Variants in REV3L observed in about 807,000 individuals in gnomAD.
REV3L encodes DNA polymerase zeta catalytic subunit.
REV3L carries 69 observed loss-of-function variants against 299.4 expected under a neutral mutation model. The observed-to-expected ratio is 0.23, with a 90% CI of 0.19 to 0.28. The LOEUF (loss-of-function observed/expected upper bound fraction) is 0.28, where lower values mean the gene tolerates loss of function less well. Ranked by LOEUF, REV3L falls within the 10% of genes least tolerant of loss-of-function variation. The pLI, the probability that REV3L is intolerant of heterozygous loss-of-function variation, is 1.00. For synonymous variants in REV3L, 1,238 were observed against 1,271.4 expected (o/e 0.97, Z 0.56); for missense variants, 3,128 against 3,693.8 (o/e 0.85, Z 3.97).
chr6:111,382,232 G>A (rs1298035081), intron 9 of REV3L, among the ~76,000 whole-genome samples: 2 of 152,020 alleles, frequency 1.3e-5, no homozygotes, highest in South Asian at 2.1e-4. Context: ...ACAAGAAAGC[G>A]CCTTCATTAG....
chr6:111,326,411 CT>C (rs1369906878), intron 25 of REV3L, among the ~76,000 whole-genome samples: 8 of 152,020 alleles, frequency 5.3e-5, no homozygotes, highest in African/African-American at 1.9e-4. Flanking sequence ...AATGAGATAT[CT>C]TCTCACCCCA....
At chr6:111,307,247 CTTCATTTCACTT>C in intron 31 of REV3L, 102 bp downstream of exon 31, 1 of 832,898 alleles carries the variant, frequency 1.2e-6, no homozygotes, top group East Asian at 2.5e-5. Flanking sequence ...CATTTAGACT[CTTCATTTCACTT>C]TTCACACCAG....
chr6:111,361,035 A>C (rs1323043058), intron 16 of REV3L, among the ~76,000 whole-genome samples: 1 of 152,146 alleles, frequency 6.6e-6, no homozygotes, highest in African/African-American at 2.4e-5. Flanking sequence ...TTTTAAATGG[A>C]AAACTCCTCC....
At chr6:111,425,895 A>G (rs1449382157) in intron 1 of REV3L, among the ~76,000 whole-genome samples, 1 of 152,262 alleles carries the variant, frequency 6.6e-6, no homozygotes, top group African/African-American at 2.4e-5. Context: ...GAAAAGTTCA[A>G]TAACTAAAAT....
chr6:111,423,121 CTA>C (rs577542114), intron 1 of REV3L, among the ~76,000 whole-genome samples: 244 of 151,326 alleles, frequency 1.6e-3, no homozygotes, highest in African/African-American at 5.5e-3. Flanking sequence ...ATGTTTGGTG[CTA>C]AACCATAGGC....
intron 1 of REV3L, among the ~76,000 whole-genome samples, chr6:111,475,338 T>G (rs1792810153): frequency 6.6e-6 from 1 of 152,220 alleles, no homozygotes; most frequent in Admixed American, 6.5e-5. Context: ...AGATATTTAT[T>G]TGACATATAT....
At chr6:111,300,189 G>T in intron 31 of REV3L, 33 bp from the exon 32 acceptor site, 2 of 1,536,230 alleles carry the variant, frequency 1.3e-6, no homozygotes, top group Non-Finnish European at 1.7e-6. Context: ...AAAAATAATA[G>T]GAAAGTTTTT....
Position 111,303,062 on chromosome 6 carries a change from A to C in REV3L, c.9253-2906T>G, listed in dbSNP as rs117899887. Reference sequence around the variant, plus strand: ...AACAGAATTTACAAGTGGAAGGATCACTTTTTTTTTTAGTTTGTAATTAAT... The same window carrying C: ...AACAGAATTTACAAGTGGAAGGATCCCTTTTTTTTTTAGTTTGTAATTAAT... On this transcript the variant is annotated intron_variant, in intron 31 of 31. Transcript: ENST00000368802. Among the ~76,000 whole-genome samples, 1,093 of 149,958 alleles carry C rather than the reference A, an allele frequency of 7.3e-3. 28 individuals carry two copies. The East Asian group carries it at 0.077, about 11-fold the overall frequency.
intron 1 of REV3L, among the ~76,000 whole-genome samples, chr6:111,434,364 C>T (rs2128301791): frequency 6.6e-6 from 1 of 152,114 alleles, no homozygotes; most frequent in East Asian, 1.9e-4. Context: ...CCTGTAATCC[C>T]AGCACTTTGG....
chr6:111,397,323 T>C (rs535866943), intron 4 of REV3L, among the ~76,000 whole-genome samples: 2 of 152,274 alleles, frequency 1.3e-5, no homozygotes, highest in African/African-American at 4.8e-5. Flanking sequence ...TTTCATTGGT[T>C]TCAAGAAATT....
chr6:111,411,222 G>A, intron 3 of REV3L, among the ~76,000 whole-genome samples: 1 of 152,104 alleles, frequency 6.6e-6, no homozygotes, highest in Non-Finnish European at 1.5e-5. Context: ...ATCACACAAG[G>A]CAGCCGTAAT....
intron 9 of REV3L, among the ~76,000 whole-genome samples, chr6:111,386,216 C>T (rs1312764777): frequency 6.6e-6 from 1 of 152,098 alleles, no homozygotes; most frequent in African/African-American, 2.4e-5. Flanking sequence ...GCACTAAGTG[C>T]AAAAGTAAAG....
intron 4 of REV3L, among the ~76,000 whole-genome samples, chr6:111,398,130 T>C (rs1782721526): frequency 1.3e-5 from 2 of 151,822 alleles, no homozygotes; most frequent in Admixed American, 1.3e-4. Flanking sequence ...ATTTGCTTTA[T>C]ATATGTGGGT....
intron 18 of REV3L, among the ~76,000 whole-genome samples, chr6:111,355,089 C>T (rs548550436): frequency 3.9e-5 from 6 of 152,154 alleles, no homozygotes; most frequent in African/African-American, 1.4e-4. Context: ...CAAGGAAATA[C>T]AGAAAGAGGA....
At chr6:111,429,612 AAT>A (rs1786618303) in intron 1 of REV3L, among the ~76,000 whole-genome samples, 1 of 152,208 alleles carries the variant, frequency 6.6e-6, no homozygotes, top group Admixed American at 6.5e-5. Context: ...AGAGATAGGC[AAT>A]ATAAAAACAT....
intron 21 of REV3L, among the ~76,000 whole-genome samples, chr6:111,342,916 G>T (rs944515354): frequency 6.6e-6 from 1 of 152,112 alleles, no homozygotes; most frequent in East Asian, 1.9e-4. Context: ...AGAAAAAAAC[G>T]CAACTGAGAC....
At chr6:111,449,084 A>G (rs2128314627) in intron 1 of REV3L, among the ~76,000 whole-genome samples, 1 of 152,344 alleles carries the variant, frequency 6.6e-6, no homozygotes, top group East Asian at 1.9e-4. Context: ...TTTAAAAACG[A>G]GTAGGCAGGG....
chr6:111,455,371 T>C (rs765436482), intron 1 of REV3L, among the ~76,000 whole-genome samples: 5 of 152,110 alleles, frequency 3.3e-5, no homozygotes, highest in Admixed American at 6.5e-5. Context: ...TGCAAAGTCA[T>C]GAGGTACATA....
chr6:111,482,663 G>C (rs1379359773), intron 1 of REV3L, 87 bp downstream of exon 1: 2 of 843,744 alleles, frequency 2.4e-6, no homozygotes, highest in South Asian at 5.6e-5. Flanking sequence ...GCCGGCGCCG[G>C]TGGCGTGTGC....
Sources: gnomAD v4.1 joint callset for allele counts (sites outside exome capture counted in the v4.1 genomes callset) on GRCh38, gnomAD v4.1.1 for gene constraint, MANE v1.5 for transcripts, NCBI Gene and HGNC (gene_info 2026-07-23, HGNC 2026-07-21) for gene names.